EML1: variants seen among roughly 807,000 people sequenced by gnomAD.
EML1 encodes echinoderm microtubule-associated protein-like 1.
Under a neutral mutation model 110.4 loss-of-function variants are expected in EML1, and 27 were observed. The ratio of observed to expected loss-of-function variants is 0.24; its 90% CI spans 0.18 to 0.34. EML1 has a LOEUF of 0.34. Among genes scored for constraint, EML1 ranks in the 10% least tolerant of loss-of-function variants. EML1 has a pLI of 1.00. For missense variants in EML1, 741 were observed against 1,030.9 expected (o/e 0.72, Z 3.85); for synonymous variants, 344 against 385.8 (o/e 0.89, Z 1.27).
At chr14:99,829,318 C>T (rs1414914266) in intron 1 of EML1, among the ~76,000 whole-genome samples, 2 of 152,158 alleles carry the variant, frequency 1.3e-5, no homozygotes, top group Non-Finnish European at 2.9e-5. Flanking sequence ...TCATGAGTGA[C>T]AGCATCTGTC....
chr14:99,757,995 G>A lies in EML1; in HGVS notation c.28+20135G>A, dbSNP rs144881498. Among the ~76,000 whole-genome samples, 3 of 152,308 alleles carry A rather than the reference G, an allele frequency of 2.0e-5. No homozygotes were observed. The East Asian group carries it at 5.8e-4, about 29-fold the overall frequency. On this transcript the variant is annotated intron_variant, in intron 1 of 10. Transcript: ENST00000554479. ...ATGCACTAAGATTCCTAAATGCTGA[G>A]CATGGTGCCTGGCATATGGCAGGTG...
At chr14:99,908,480 G>T (rs1191476399) in intron 10 of EML1, among the ~76,000 whole-genome samples, 2 of 152,168 alleles carry the variant, frequency 1.3e-5, no homozygotes, top group African/African-American at 2.4e-5. Flanking sequence ...TTCTAACCAG[G>T]TCTGTTCCCT....
rs369871096 is a variant in EML1, at chr14:99,781,895, C to A, written c.-27+7882C>A. Among the ~76,000 whole-genome samples, 2 of 152,334 alleles carry A rather than the reference C, an allele frequency of 1.3e-5. No individual in the cohort carries two copies. Among genetic ancestry groups the A allele is most frequent in the African/African-American group, 4.8e-5 (2 of 41,570 alleles). On this transcript the variant is annotated intron_variant, in intron 1 of 22. Coordinates refer to the EML1 transcript ENST00000327921. This position sits in a 1 kb window ranked among gnomAD's most constrained non-coding sequence, Gnocchi z 4.2. ...TGGAGGTATGCTCCCCCGCTTTTGA[C>A]TTCTGGACTCCTCAGTCCGCCTCAG...
At chr14:99,898,173 C>T (rs763756845) in intron 7 of EML1, 60 bp from the exon 8 acceptor site, 4 of 1,417,042 alleles carry the variant, frequency 2.8e-6, no homozygotes, top group Non-Finnish European at 3.8e-6. Flanking sequence ...TATATTTGAG[C>T]AAGGGAAAAG....
intron 2 of EML1, among the ~76,000 whole-genome samples, chr14:99,863,348 G>A (rs2059035422): frequency 6.6e-6 from 1 of 152,204 alleles, no homozygotes; most frequent in Non-Finnish European, 1.5e-5. Context: ...TTCCATCATG[G>A]GGTTTCCCTG....
At chr14:99,747,093 G>A (rs1273990581) in intron 1 of EML1, among the ~76,000 whole-genome samples, 1 of 150,772 alleles carries the variant, frequency 6.6e-6, no homozygotes, top group Non-Finnish European at 1.5e-5. Flanking sequence ...AAGGCTGAGG[G>A]AGGAGAATGG....
rs561200449 is a variant in EML1 at position 99,829,048 on chromosome 14, G to A, written c.68-21805G>A. ...TCAACTGTCTAGGAAAAAACACAGT[G>A]TATATAGGGTTCAGTGCTGTCCACA... On this transcript the variant is annotated intron_variant, in intron 1 of 21. Coordinates refer to ENST00000262233, the MANE Select transcript of EML1 (RefSeq NM_004434.3). 3.2e-3 allele frequency among the ~76,000 whole-genome samples: 491 copies of A among 152,334 alleles called. 6 individuals are homozygous for A. The highest frequency in any genetic ancestry group is 0.011 in the African/African-American group (466 of 41,578).
At chr14:99,814,004 T>C (rs1312817368) in intron 1 of EML1, among the ~76,000 whole-genome samples, 1 of 152,056 alleles carries the variant, frequency 6.6e-6, no homozygotes, top group South Asian at 2.1e-4. Flanking sequence ...GCAGTGCAAA[T>C]TGCAAGCCCA....
chr14:99,924,535 T>C (rs2060198971), intron 17 of EML1, among the ~76,000 whole-genome samples: 2 of 152,342 alleles, frequency 1.3e-5, no homozygotes, highest in South Asian at 4.1e-4. Flanking sequence ...ATAAGAGTTA[T>C]GTGAATATGG....
chr14:99,741,018 T>C (rs910038372), intron 1 of EML1, among the ~76,000 whole-genome samples: 1 of 152,204 alleles, frequency 6.6e-6, no homozygotes, highest in Non-Finnish European at 1.5e-5. Context: ...TTTACAATCC[T>C]AAGCACCGAA....
At chr14:99,782,991 T>A (rs1211844018) in intron 1 of EML1, among the ~76,000 whole-genome samples, 4 of 151,800 alleles carry the variant, frequency 2.6e-5, no homozygotes, top group Non-Finnish European at 5.9e-5. Context: ...ATCGTTTATA[T>A]ATATATATAT....
At chr14:99,786,680 C>T (rs928348420) in intron 1 of EML1, among the ~76,000 whole-genome samples, 13 of 152,194 alleles carry the variant, frequency 8.5e-5, no homozygotes, top group Non-Finnish European at 1.6e-4. Flanking sequence ...GAGGAGCTTT[C>T]GGATAGCACA....
upstream of EML1, among the ~76,000 whole-genome samples, chr14:99,791,607 T>C (rs2057673367): frequency 6.6e-6 from 1 of 152,226 alleles, no homozygotes; most frequent in Non-Finnish European, 1.5e-5. Context: ...TCTTTCCAGC[T>C]GTATGGTCCT....
chr14:99,764,932 GTGTTGT>G (rs779994292), intron 1 of EML1, among the ~76,000 whole-genome samples: 1 of 151,964 alleles, frequency 6.6e-6, no homozygotes, highest in African/African-American at 2.4e-5. Flanking sequence ...GTTGTTGTTG[GTGTTGT>G]TGTTGTTGTC....
chr14:99,798,210 C>T (rs1461462916), intron 1 of EML1, among the ~76,000 whole-genome samples: 2 of 152,130 alleles, frequency 1.3e-5, no homozygotes, highest in Non-Finnish European at 2.9e-5. Flanking sequence ...TTTCTCACAT[C>T]TTCTAGCTCT....
chr14:99,902,691 A>G (rs1371026989), intron 9 of EML1, among the ~76,000 whole-genome samples: 1 of 152,218 alleles, frequency 6.6e-6, no homozygotes, highest in African/African-American at 2.4e-5. Context: ...GGAATCTCAG[A>G]TAAGACCTTT....
At chr14:99,921,568 C>G (rs1160189275) in intron 17 of EML1, among the ~76,000 whole-genome samples, 1 of 152,070 alleles carries the variant, frequency 6.6e-6, no homozygotes, top group Non-Finnish European at 1.5e-5. Flanking sequence ...GAATAATGAA[C>G]CCCATGTACT....
chr14:99,886,835 C>T (rs564686197), intron 4 of EML1, among the ~76,000 whole-genome samples: 7 of 152,358 alleles, frequency 4.6e-5, no homozygotes, highest in Non-Finnish European at 8.8e-5. Flanking sequence ...CTGGACACGT[C>T]GTCCACTGGA....
chr14:99,859,229 A>G (rs911434921), intron 2 of EML1, among the ~76,000 whole-genome samples: 1 of 152,204 alleles, frequency 6.6e-6, no homozygotes, highest in African/African-American at 2.4e-5. Context: ...TTAGATTTTC[A>G]GTTACCAAAC....
Sources: allele counts gnomAD v4.1 joint callset (sites outside exome capture counted in the v4.1 genomes callset), GRCh38; gene constraint gnomAD v4.1.1; non-coding constraint Gnocchi (gnomAD v3.1); transcripts MANE v1.5; gene names NCBI Gene and HGNC (gene_info 2026-07-23, HGNC 2026-07-21).